ST6GALNAC3: variants seen among roughly 807,000 people sequenced by gnomAD.
The protein encoded by ST6GALNAC3 is ST6 N-acetylgalactosaminide alpha-2,6-sialyltransferase 3.
In ST6GALNAC3, 25 loss-of-function variants were observed where a neutral mutation model predicts 32.7. The observed-to-expected ratio is 0.76, with a 90% confidence interval of 0.56 to 1.07. ST6GALNAC3 has a LOEUF of 1.07. Among genes scored for constraint, ST6GALNAC3 ranks in the 50% least tolerant of loss-of-function variants. The probability of loss-of-function intolerance (pLI) is 0.00; values close to 1 mark genes in which losing one functional copy is unlikely to be tolerated. For synonymous variants in ST6GALNAC3, 129 were observed against 133.1 expected (o/e 0.97, Z 0.21); for missense variants, 355 against 382.4 (o/e 0.93, Z 0.60).
chr1:76,531,565 G>T (rs1663257893), intron 3 of ST6GALNAC3, among the ~76,000 whole-genome samples: 3 of 152,156 alleles, frequency 2.0e-5, no homozygotes, highest in Non-Finnish European at 4.4e-5. Flanking sequence ...ATCTAGCAAG[G>T]TCATTTTAGG....
intron 3 of ST6GALNAC3, among the ~76,000 whole-genome samples, chr1:76,564,282 A>G (rs934898643): frequency 6.6e-6 from 1 of 152,236 alleles, no homozygotes; most frequent in East Asian, 1.9e-4. Flanking sequence ...CAGGTCTTCA[A>G]TAATTTGTTG....
chr1:76,382,581 G>A (rs987676288), intron 2 of ST6GALNAC3, among the ~76,000 whole-genome samples: 6 of 152,184 alleles, frequency 3.9e-5, no homozygotes, highest in Non-Finnish European at 5.9e-5. Context: ...CAGACACCCA[G>A]TGAAAAATGG....
chr1:76,430,782 CAG>C (rs1450324819), intron 3 of ST6GALNAC3, among the ~76,000 whole-genome samples: 2 of 152,252 alleles, frequency 1.3e-5, no homozygotes, highest in East Asian at 3.9e-4. Flanking sequence ...GCAGAGTTCT[CAG>C]TGTATATTAG....
chr1:76,087,912 T>A (rs1646986020), intron 1 of ST6GALNAC3, among the ~76,000 whole-genome samples: 1 of 152,232 alleles, frequency 6.6e-6, no homozygotes, highest in East Asian at 1.9e-4. Flanking sequence ...ATGATTTATT[T>A]TAAAGTTTAA....
intron 3 of ST6GALNAC3, among the ~76,000 whole-genome samples, chr1:76,445,753 C>T (rs568643208): frequency 6.6e-6 from 1 of 152,104 alleles, no homozygotes; most frequent in Non-Finnish European, 1.5e-5. Context: ...TTAAAACTAG[C>T]TTTTATTTTT....
intron 1 of ST6GALNAC3, among the ~76,000 whole-genome samples, chr1:76,094,106 G>A (rs967805968): frequency 1.6e-4 from 25 of 152,184 alleles, no homozygotes; most frequent in African/African-American, 6.0e-4. Context: ...ACAGAGGGAG[G>A]CATCTGCCAC....
At chr1:76,240,841 TTATC>T (rs1656919658) in intron 1 of ST6GALNAC3, among the ~76,000 whole-genome samples, 1 of 152,240 alleles carries the variant, frequency 6.6e-6, no homozygotes, top group East Asian at 1.9e-4. Flanking sequence ...ATACCCATTT[TTATC>T]TATCTCCAAG....
chr1:76,386,894 G>C (rs1385726232), intron 2 of ST6GALNAC3, among the ~76,000 whole-genome samples: 1 of 152,134 alleles, frequency 6.6e-6, no homozygotes, highest in Non-Finnish European at 1.5e-5. Context: ...GTTTTTAAGA[G>C]TTCTAAAAAG....
intron 3 of ST6GALNAC3, among the ~76,000 whole-genome samples, chr1:76,578,948 A>G (rs1308711431): frequency 6.6e-6 from 1 of 152,038 alleles, no homozygotes; most frequent in African/African-American, 2.4e-5. Context: ...ATTCTACACA[A>G]ATGCACTGAG....
At chr1:76,339,979 A>G (rs71656883) in intron 2 of ST6GALNAC3, among the ~76,000 whole-genome samples, 7,359 of 152,286 alleles carry the variant, frequency 0.048, 233 homozygotes, top group African/African-American at 0.084. Context: ...TTTTTAATAG[A>G]GGAAATGGCA....
chr1:76,276,008 T>C (rs1217115191), intron 1 of ST6GALNAC3, among the ~76,000 whole-genome samples: 1 of 152,126 alleles, frequency 6.6e-6, no homozygotes, highest in Non-Finnish European at 1.5e-5. Context: ...ATAGCTAGCA[T>C]TTCCAGGTTT....
At chr1:76,473,009 T>C (rs1409801574) in intron 3 of ST6GALNAC3, among the ~76,000 whole-genome samples, 2 of 152,060 alleles carry the variant, frequency 1.3e-5, no homozygotes, top group Non-Finnish European at 2.9e-5. Flanking sequence ...AATAGATGGA[T>C]GGATAAATCT....
At chr1:76,285,314 T>C (rs969122996) in intron 1 of ST6GALNAC3, among the ~76,000 whole-genome samples, 1 of 151,986 alleles carries the variant, frequency 6.6e-6, no homozygotes, top group African/African-American at 2.4e-5. Context: ...AGAGCAGAAG[T>C]GGATAAGATG....
intron 3 of ST6GALNAC3, among the ~76,000 whole-genome samples, chr1:76,442,867 A>C (rs936080817): frequency 6.6e-6 from 1 of 152,232 alleles, no homozygotes; most frequent in Non-Finnish European, 1.5e-5. Context: ...TTCCTCCTCC[A>C]TCAGACTCCT....
chr1:76,437,569 C>CTTTTTT (rs1301715774), intron 3 of ST6GALNAC3, among the ~76,000 whole-genome samples: 1 of 128,882 alleles, frequency 7.8e-6, no homozygotes. Flanking sequence ...TCTTTTCTTT[C>CTTTTTT]TTTTTTTTTT....
At chr1:76,408,074 G>C (rs961383098) in intron 2 of ST6GALNAC3, among the ~76,000 whole-genome samples, 4 of 152,010 alleles carry the variant, frequency 2.6e-5, no homozygotes, top group African/African-American at 9.7e-5. Flanking sequence ...ACTGTAGTTT[G>C]AAGGTGCCTT....
At chr1:76,215,056 A>T (rs1318686874) in intron 1 of ST6GALNAC3, among the ~76,000 whole-genome samples, 1 of 152,176 alleles carries the variant, frequency 6.6e-6, no homozygotes, top group African/African-American at 2.4e-5. Context: ...TTCTAGTAGA[A>T]TGTTGTGGAG....
At chr1:76,435,858 T>C (rs143563506) in intron 3 of ST6GALNAC3, among the ~76,000 whole-genome samples, 2 of 115,154 alleles carry the variant, frequency 1.7e-5, no homozygotes, top group Non-Finnish European at 3.8e-5. Flanking sequence ...TTTCTTTTTT[T>C]ATTTTTTTTT....
At chr1:76,374,911 T>C (rs1334473439) in intron 2 of ST6GALNAC3, among the ~76,000 whole-genome samples, 1 of 152,236 alleles carries the variant, frequency 6.6e-6, no homozygotes, top group East Asian at 1.9e-4. Context: ...AAATGTTTTT[T>C]TTGTGGTTTT....
Sources: gnomAD v4.1 joint callset for allele counts (sites outside exome capture counted in the v4.1 genomes callset) on GRCh38, gnomAD v4.1.1 for gene constraint, MANE v1.5 for transcripts, NCBI Gene and HGNC (gene_info 2026-07-23, HGNC 2026-07-21) for gene names.